The following PHLPP1 variants were observed in gnomAD, a reference collection of about 807,000 sequenced individuals.
The protein encoded by PHLPP1 is PH domain leucine-rich repeat-containing protein phosphatase 1.
PHLPP1 carries 42 observed loss-of-function variants against 117.2 expected under a neutral mutation model. That is an observed-to-expected ratio of 0.36 (90% CI 0.28 to 0.46). PHLPP1 has a LOEUF of 0.46. Ranked by LOEUF, PHLPP1 falls within the 20% of genes least tolerant of loss-of-function variation. The pLI, the probability that PHLPP1 is intolerant of heterozygous loss-of-function variation, is 1.00. For synonymous variants in PHLPP1, 1,042 were observed against 970.7 expected (o/e 1.07, Z -1.37); for missense variants, 2,084 against 2,241.9 (o/e 0.93, Z 1.42).
At chr18:62,850,539 T>G (rs1482581616) in intron 3 of PHLPP1, among the ~76,000 whole-genome samples, 1 of 152,216 alleles carries the variant, frequency 6.6e-6, no homozygotes, top group African/African-American at 2.4e-5. Context: ...GGGGGAATGC[T>G]GCCATGACGT....
intron 10 of PHLPP1, among the ~76,000 whole-genome samples, chr18:62,928,435 T>C (rs530922568): frequency 1.3e-5 from 2 of 152,256 alleles, no homozygotes; most frequent in East Asian, 3.9e-4. Flanking sequence ...TCATTAGCCA[T>C]TGGGGAAATG....
chr18:62,848,432 T>C (rs1308987923), intron 3 of PHLPP1, among the ~76,000 whole-genome samples: 1 of 151,626 alleles, frequency 6.6e-6, no homozygotes, highest in Non-Finnish European at 1.5e-5. Context: ...TGATAACAAT[T>C]CTATGAGGTT....
intron 4 of PHLPP1, among the ~76,000 whole-genome samples, chr18:62,875,544 G>C (rs1418993097): frequency 6.6e-6 from 1 of 151,914 alleles, no homozygotes. Flanking sequence ...GAGAGGGCAG[G>C]AATCAAGTCC....
intron 12 of PHLPP1, among the ~76,000 whole-genome samples, chr18:62,949,065 G>T (rs143800052): frequency 6.6e-6 from 1 of 152,080 alleles, no homozygotes; most frequent in African/African-American, 2.4e-5. Context: ...TTTTATTATT[G>T]AGTTAATAAC....
At chr18:62,973,864 G>A (rs534490094) in intron 15 of PHLPP1, among the ~76,000 whole-genome samples, 3 of 152,206 alleles carry the variant, frequency 2.0e-5, no homozygotes, top group Non-Finnish European at 4.4e-5. Flanking sequence ...ACAGTGAGGT[G>A]AAGCACAGTG....
chr18:62,928,788 A>T (rs1222888855), intron 10 of PHLPP1, among the ~76,000 whole-genome samples: 2 of 152,234 alleles, frequency 1.3e-5, no homozygotes, highest in East Asian at 3.8e-4. Flanking sequence ...ACAAACTGTT[A>T]TAATAGATAG....
intron 1 of PHLPP1, among the ~76,000 whole-genome samples, chr18:62,803,929 C>T (rs1913857872): frequency 6.6e-6 from 1 of 152,068 alleles, no homozygotes; most frequent in South Asian, 2.1e-4. Context: ...TCGCATTTCC[C>T]TGAAACTAAG....
At chr18:62,798,632 A>G (rs1913691108) in intron 1 of PHLPP1, among the ~76,000 whole-genome samples, 3 of 152,178 alleles carry the variant, frequency 2.0e-5, no homozygotes, top group Admixed American at 2.0e-4. Context: ...GCCTGCTTTG[A>G]CAACTCTAGC....
In PHLPP1 at chr18:62,920,134, T is replaced by G. The variant is rs376391038; in HGVS notation, c.2960+20T>G. On this transcript the variant is annotated intron_variant, in intron 10 of 16. Coordinates refer to ENST00000262719, the MANE Select transcript of PHLPP1 (RefSeq NM_194449.4). ...TGACAGGTAAAGCCATTTGTCTTGTTTATCATCTGAGTCTATAAATATTCC... is the reference window on the plus strand; with the variant it reads ...TGACAGGTAAAGCCATTTGTCTTGTGTATCATCTGAGTCTATAAATATTCC... The G allele has an allele frequency of 4.4e-6, 7 of 1,607,910 alleles. No individual in the cohort carries two copies. Among genetic ancestry groups the G allele is most frequent in the Non-Finnish European group, 6.0e-6 (7 of 1,175,178 alleles).
intron 2 of PHLPP1, among the ~76,000 whole-genome samples, chr18:62,836,938 G>A (rs1914922081): frequency 6.6e-6 from 1 of 151,950 alleles, no homozygotes; most frequent in Non-Finnish European, 1.5e-5. Context: ...GCCTGGGCAA[G>A]GAGTGAAATT....
intron 4 of PHLPP1, among the ~76,000 whole-genome samples, chr18:62,888,526 T>C (rs1392943011): frequency 6.6e-6 from 1 of 151,896 alleles, no homozygotes; most frequent in Non-Finnish European, 1.5e-5. Flanking sequence ...CATGGAGAAA[T>C]CCTGTCTTTA....
At chr18:62,926,075 C>T (rs777017414) in intron 10 of PHLPP1, among the ~76,000 whole-genome samples, 8 of 152,086 alleles carry the variant, frequency 5.3e-5, no homozygotes, top group Non-Finnish European at 1.0e-4. Context: ...TGTTGTGTTC[C>T]TCAAATATTT....
intron 3 of PHLPP1, among the ~76,000 whole-genome samples, chr18:62,849,074 G>A (rs1293581402): frequency 1.3e-5 from 2 of 152,108 alleles, no homozygotes; most frequent in Non-Finnish European, 2.9e-5. Flanking sequence ...TCTATTTATT[G>A]GAGTATGCTG....
At chr18:62,827,945 G>A (rs1914654667) in intron 1 of PHLPP1, among the ~76,000 whole-genome samples, 1 of 151,948 alleles carries the variant, frequency 6.6e-6, no homozygotes, top group Admixed American at 6.6e-5. Context: ...AAATGTGACA[G>A]GTTAACAAGT....
intron 1 of PHLPP1, among the ~76,000 whole-genome samples, chr18:62,743,955 C>T (rs1354922218): frequency 6.6e-6 from 1 of 152,048 alleles, no homozygotes; most frequent in Non-Finnish European, 1.5e-5. Flanking sequence ...ATGTTTACTA[C>T]TTTGATGTGG....
intron 1 of PHLPP1, among the ~76,000 whole-genome samples, chr18:62,767,354 TAA>T (rs989670889): frequency 1.3e-5 from 2 of 152,202 alleles, no homozygotes; most frequent in African/African-American, 4.8e-5. Flanking sequence ...TACATTGGCT[TAA>T]GAGAGCCAAA....
Position 62,895,958 on chromosome 18 carries a change from C to A in PHLPP1, c.2391C>A (p.Thr797=), listed in dbSNP as rs780325553. The change falls in exon 6 of 17, where the codon ACC becomes ACA. Residue 797 remains threonine (T), a synonymous_variant. Coordinates refer to ENST00000262719, the MANE Select transcript of PHLPP1 (RefSeq NM_194449.4). Reference sequence around the variant, plus strand: ...GTATGTCTGGAAACTGTGTGGAGACCCTTAGGCTACAGGCTTTAAGAAAAA... The same window carrying A: ...GTATGTCTGGAAACTGTGTGGAGACACTTAGGCTACAGGCTTTAAGAAAAA... ...KLCMSGNCVE[T]LRLQALRKMP... 3.7e-6 allele frequency: 6 copies of A among 1,613,560 alleles called. No individual in the cohort carries two copies. In the African/African-American group the frequency reaches 8.0e-5, roughly 22 times the overall value.
At chr18:62,914,488 G>A (rs1041090034) in intron 8 of PHLPP1, among the ~76,000 whole-genome samples, 1 of 152,180 alleles carries the variant, frequency 6.6e-6, no homozygotes, top group African/African-American at 2.4e-5. Flanking sequence ...AGGTTGGAGT[G>A]CAGTGATGAG....
chr18:62,739,384 C>T (rs938002859), intron 1 of PHLPP1, among the ~76,000 whole-genome samples: 2 of 152,036 alleles, frequency 1.3e-5, no homozygotes, highest in African/African-American at 2.4e-5. Context: ...TACCTTTCAG[C>T]GGGATATGGA....
Sources: allele counts gnomAD v4.1 joint callset (sites outside exome capture counted in the v4.1 genomes callset), GRCh38; gene constraint gnomAD v4.1.1; transcripts MANE v1.5; gene names NCBI Gene and HGNC (gene_info 2026-07-23, HGNC 2026-07-21).